HYAL4: variants seen among roughly 807,000 people sequenced by gnomAD.
The protein encoded by HYAL4 is hyaluronidase-4.
In HYAL4, 37 loss-of-function variants were observed where a neutral mutation model predicts 35.2. That is an observed-to-expected ratio of 1.05 (90% confidence interval 0.81 to 1.38). HYAL4 has a LOEUF of 1.38. HYAL4 is among the 40% of genes most tolerant of loss of function. HYAL4 has a pLI of 0.00. For missense variants in HYAL4, 572 were observed against 572.4 expected (o/e 1.00, Z 0.01); for synonymous variants, 198 against 203.2 (o/e 0.97, Z 0.22).
At chr7:123,801,406 G>A in the HYAL4 span, among the ~76,000 whole-genome samples, 4 of 152,028 alleles carry the variant, frequency 2.6e-5, no homozygotes, top group African/African-American at 9.7e-5. Flanking sequence ...TCAAAAATAG[G>A]TAAACTATTT....
the HYAL4 span, among the ~76,000 whole-genome samples, chr7:123,822,531 A>AT: frequency 6.6e-6 from 1 of 152,124 alleles, no homozygotes; most frequent in South Asian, 2.1e-4. Context: ...TACTTATGAC[A>AT]TTTTTTGTAG....
At chr7:123,859,562 C>T (rs568692327) in intron 2 of HYAL4, among the ~76,000 whole-genome samples, 1 of 151,944 alleles carries the variant, frequency 6.6e-6, no homozygotes, top group Non-Finnish European at 1.5e-5. Flanking sequence ...GTGTTCATTT[C>T]CATTAAAAAA....
the HYAL4 span, among the ~76,000 whole-genome samples, chr7:123,799,609 T>TA: frequency 2.6e-5 from 4 of 151,624 alleles, no homozygotes; most frequent in Non-Finnish European, 5.9e-5. Flanking sequence ...GGCAACATGG[T>TA]AAAACCCTGT....
At chr7:123,857,983 G>T (rs145961639) in intron 2 of HYAL4, among the ~76,000 whole-genome samples, 1 of 152,038 alleles carries the variant, frequency 6.6e-6, no homozygotes, top group African/African-American at 2.4e-5. Flanking sequence ...GATCACTTGA[G>T]CTCAGGAGTT....
At chr7:123,876,333 G>A (rs1175441460) in intron 4 of HYAL4, among the ~76,000 whole-genome samples, 1 of 152,218 alleles carries the variant, frequency 6.6e-6, no homozygotes, top group Non-Finnish European at 1.5e-5. Flanking sequence ...CCACATACCT[G>A]AATGGTAGCT....
Position 123,867,976 on chromosome 7 carries a change from T to C in HYAL4, c.-51-247T>C, listed in dbSNP as rs527238750. ...GAACTCCTTAAAGGCAAGGACTACA[T>C]CTTATTCATTTTGTTTTCTGGACAT... On this transcript the variant is annotated intron_variant, in intron 2 of 4. Coordinates refer to ENST00000223026, the MANE Select transcript of HYAL4 (RefSeq NM_012269.3). 6.6e-5 allele frequency among the ~76,000 whole-genome samples: 10 copies of C among 152,296 alleles called. No homozygotes were observed. The East Asian group carries it at 1.9e-3, about 29-fold the overall frequency.
At chr7:123,768,510 C>T in the HYAL4 span, among the ~76,000 whole-genome samples, 1 of 152,192 alleles carries the variant, frequency 6.6e-6, no homozygotes, top group South Asian at 2.1e-4. Context: ...CATCCTCAGA[C>T]TCAGAGACTC....
chr7:123,773,229 T>C, the HYAL4 span, among the ~76,000 whole-genome samples: 1 of 152,190 alleles, frequency 6.6e-6, no homozygotes, highest in Non-Finnish European at 1.5e-5. Context: ...GCTCTTCTTG[T>C]ATGAGTTCCT....
chr7:123,770,819 A>C, the HYAL4 span, among the ~76,000 whole-genome samples: 1 of 152,228 alleles, frequency 6.6e-6, no homozygotes, highest in Admixed American at 6.5e-5. Context: ...ATATGCTTAA[A>C]ATGGATTACA....
the HYAL4 span, among the ~76,000 whole-genome samples, chr7:123,802,363 C>T: frequency 6.6e-6 from 1 of 152,104 alleles, no homozygotes; most frequent in Admixed American, 6.6e-5. Flanking sequence ...GCTTTCATCT[C>T]ATTTTTCCAT....
At chr7:123,829,438 G>C (rs560182041) in intron 1 of HYAL4, among the ~76,000 whole-genome samples, 4 of 151,972 alleles carry the variant, frequency 2.6e-5, no homozygotes, top group African/African-American at 9.6e-5. Flanking sequence ...TCAACCTCAA[G>C]CCTCTCCCAA....
the HYAL4 span, among the ~76,000 whole-genome samples, chr7:123,800,331 G>T: frequency 6.7e-6 from 1 of 150,050 alleles, no homozygotes; most frequent in African/African-American, 2.4e-5. Flanking sequence ...CACCATGCCC[G>T]GCTAATTTTT....
chr7:123,828,461 CA>C (rs769163176), upstream of HYAL4, among the ~76,000 whole-genome samples: 7,237 of 151,030 alleles, frequency 0.048, 307 homozygotes, highest in Non-Finnish European at 0.069. Context: ...CACACACACA[CA>C]CCTCTAAAAA....
chr7:123,776,302 C>T, the HYAL4 span, among the ~76,000 whole-genome samples: 53 of 152,108 alleles, frequency 3.5e-4, no homozygotes, highest in Non-Finnish European at 6.9e-4. Flanking sequence ...TGCATGGGAG[C>T]CTGGGAGCTA....
chr7:123,827,037 T>C (rs1388493365), upstream of HYAL4, among the ~76,000 whole-genome samples: 1 of 151,986 alleles, frequency 6.6e-6, no homozygotes, highest in African/African-American at 2.4e-5. Flanking sequence ...CAGGTAGAGA[T>C]GTCAAGTAAA....
the HYAL4 span, among the ~76,000 whole-genome samples, chr7:123,795,161 T>G: frequency 6.6e-6 from 1 of 152,260 alleles, no homozygotes; most frequent in South Asian, 2.1e-4. Flanking sequence ...TTCACCAATT[T>G]CTTCCATTTG....
intron 2 of HYAL4, among the ~76,000 whole-genome samples, chr7:123,849,846 G>T (rs894569928): frequency 2.0e-5 from 3 of 150,494 alleles, no homozygotes; most frequent in African/African-American, 7.3e-5. Flanking sequence ...CAGCCTGAAC[G>T]ATGGAGCCAG....
At chr7:123,782,758 A>G in the HYAL4 span, among the ~76,000 whole-genome samples, 2 of 152,112 alleles carry the variant, frequency 1.3e-5, no homozygotes, top group African/African-American at 4.8e-5. Context: ...CCTCTTAGAA[A>G]TTTACAACAT....
chr7:123,846,966 C>G (rs1392467071), intron 1 of HYAL4, among the ~76,000 whole-genome samples: 1 of 152,180 alleles, frequency 6.6e-6, no homozygotes, highest in Admixed American at 6.5e-5. Context: ...TTTCCCACTT[C>G]CACAGCTTGG....
Sources: gnomAD v4.1 joint callset for allele counts (sites outside exome capture counted in the v4.1 genomes callset) on GRCh38, gnomAD v4.1.1 for gene constraint, MANE v1.5 for transcripts, NCBI Gene and HGNC (gene_info 2026-07-23, HGNC 2026-07-21) for gene names.